The following RPTOR variants were observed in gnomAD, a reference collection of about 807,000 sequenced individuals.
RPTOR encodes regulatory-associated protein of mTOR.
RPTOR carries 21 observed loss-of-function variants against 169.9 expected under a neutral mutation model. That is an observed-to-expected ratio of 0.12 (90% CI 0.09 to 0.18). RPTOR has a LOEUF of 0.18. RPTOR is among the 10% of genes least tolerant of loss of function. The probability of loss-of-function intolerance (pLI) is 1.00; values close to 1 mark genes in which losing one functional copy is unlikely to be tolerated. For missense variants in RPTOR, 1,133 were observed against 1,855.9 expected, an observed-to-expected ratio of 0.61 and a Z score of 7.16; for synonymous variants, 732 against 753.2, an observed-to-expected ratio of 0.97 and a Z score of 0.46.
intron 9 of RPTOR, among the ~76,000 whole-genome samples, chr17:80,827,772 T>A (rs2067460585): frequency 6.6e-6 from 1 of 152,128 alleles, no homozygotes; most frequent in African/African-American, 2.4e-5. Context: ...CAGGTGGTCA[T>A]GTAAGAATAG....
At chr17:80,623,611 C>A (rs1268246911) in intron 1 of RPTOR, among the ~76,000 whole-genome samples, 1 of 152,060 alleles carries the variant, frequency 6.6e-6, no homozygotes, top group Non-Finnish European at 1.5e-5. Flanking sequence ...TCTCGGCTCA[C>A]TGCAAACTCT....
chr17:80,917,516 AC>A (rs1359697645), intron 21 of RPTOR, among the ~76,000 whole-genome samples: 1 of 151,840 alleles, frequency 6.6e-6, no homozygotes, highest in Non-Finnish European at 1.5e-5. Context: ...GTGTCTCCCT[AC>A]CCTCTGTTCT....
At chr17:80,759,653 T>C (rs2066714920) in intron 6 of RPTOR, among the ~76,000 whole-genome samples, 1 of 152,110 alleles carries the variant, frequency 6.6e-6, no homozygotes, top group African/African-American at 2.4e-5. Flanking sequence ...TGTAGTTTTG[T>C]GTGAGCTAAG....
chr17:80,888,973 C>G (rs1327853416), intron 17 of RPTOR, among the ~76,000 whole-genome samples: 1 of 152,184 alleles, frequency 6.6e-6, no homozygotes, highest in Non-Finnish European at 1.5e-5. Flanking sequence ...GCACAAGAGG[C>G]CAGGAGGGCA....
intron 5 of RPTOR, among the ~76,000 whole-genome samples, chr17:80,731,455 G>A (rs920646305): frequency 3.3e-5 from 5 of 151,876 alleles, no homozygotes; most frequent in African/African-American, 7.3e-5. Context: ...GAAAACAAAC[G>A]AAAACAGCTA....
At chr17:80,953,559 C>T (rs375134063) in intron 28 of RPTOR, among the ~76,000 whole-genome samples, 3 of 152,382 alleles carry the variant, frequency 2.0e-5, no homozygotes, top group Admixed American at 1.3e-4. Context: ...GCGCAGCCTC[C>T]GGATGGCCGT....
intron 5 of RPTOR, chr17:80,743,231 C>T (rs1318164763): frequency 5.1e-6 from 5 of 985,164 alleles, no homozygotes; most frequent in Non-Finnish European, 4.8e-6. Context: ...TGACTCAGTT[C>T]ATTAGAGAAG....
intron 6 of RPTOR, among the ~76,000 whole-genome samples, chr17:80,778,527 C>T (rs181529912): frequency 1.3e-5 from 2 of 152,176 alleles, no homozygotes; most frequent in African/African-American, 2.4e-5. Context: ...ACACCCCACA[C>T]GATTAAAGAA....
intron 6 of RPTOR, among the ~76,000 whole-genome samples, chr17:80,769,590 A>G (rs1347405496): frequency 1.3e-5 from 2 of 152,150 alleles, no homozygotes; most frequent in African/African-American, 4.8e-5. Flanking sequence ...CCCTCTCATC[A>G]GTGCTCTTCT....
At chr17:80,937,996 C>T (rs902069685) in intron 24 of RPTOR, among the ~76,000 whole-genome samples, 1 of 152,224 alleles carries the variant, frequency 6.6e-6, no homozygotes, top group African/African-American at 2.4e-5. Flanking sequence ...TCTTCCCAGC[C>T]CAGCAAGGGC....
At chr17:80,750,824 T>C (rs1236429912) in intron 5 of RPTOR, among the ~76,000 whole-genome samples, 1 of 152,172 alleles carries the variant, frequency 6.6e-6, no homozygotes. Context: ...TTCTTGGTGA[T>C]TGTTGCGTGG....
chr17:80,964,794 C>T lies in RPTOR; in HGVS notation c.*464C>T, dbSNP rs536244953. The T allele has an allele frequency of 1.3e-4, 31 of 240,368 alleles. No individual in the cohort carries two copies. In the South Asian group the frequency reaches 5.0e-3, roughly 38 times the overall value. 14.9% of individuals were successfully genotyped at this position (240,368 alleles called of 1,614,324 possible). The stretch of plus-strand genomic sequence containing the variant: ...CAAGAGCGAGCGAGAGGCGCTGCCC[C>T]AGCCAGGCCCACCACCTCTCACAGT... On this transcript the variant is annotated 3_prime_UTR_variant, in exon 34 of 34. Coordinates refer to ENST00000306801, the MANE Select transcript of RPTOR (RefSeq NM_020761.3).
rs374349993 is a variant in RPTOR, at chr17:80,716,271, A to G, written c.507+8272A>G. On this transcript the variant is annotated intron_variant, in intron 4 of 33. Transcript: ENST00000306801. ...TTATTATGGCCATTCTTGCAGAGGT[A>G]AGGTGGTATCTATTGCATTGTGGTT... 3.7e-4 allele frequency among the ~76,000 whole-genome samples: 57 copies of G among 152,248 alleles called. 1 individual carries two copies. The South Asian group carries it at 0.011, about 28-fold the overall frequency.
chr17:80,846,703 C>T (rs2067734948), intron 11 of RPTOR, 129 bp downstream of exon 11: 1 of 730,444 alleles, frequency 1.4e-6, no homozygotes, highest in East Asian at 2.7e-5. Context: ...CCCCTCTGCC[C>T]CGAAGATGAT....
intron 24 of RPTOR, among the ~76,000 whole-genome samples, chr17:80,925,854 C>T (rs1315949493): frequency 2.0e-5 from 3 of 152,228 alleles, no homozygotes; most frequent in East Asian, 1.9e-4. Context: ...CCAATCCTAG[C>T]GCATTTGGGG....
At chr17:80,583,184 T>TG (rs1568318343) in intron 1 of RPTOR, among the ~76,000 whole-genome samples, 1 of 118,118 alleles carries the variant, frequency 8.5e-6, no homozygotes, top group Non-Finnish European at 1.8e-5. Context: ...TCTTTCCTGT[T>TG]TTTTTTTTTT....
At chr17:80,548,721 C>A (rs1427009599) in intron 1 of RPTOR, among the ~76,000 whole-genome samples, 2 of 152,048 alleles carry the variant, frequency 1.3e-5, no homozygotes, top group Non-Finnish European at 2.9e-5. Context: ...ATCTCTGTTA[C>A]CCAGGCCTCC....
chr17:80,563,408 C>T (rs1267686998), intron 1 of RPTOR, among the ~76,000 whole-genome samples: 1 of 151,298 alleles, frequency 6.6e-6, no homozygotes, highest in Non-Finnish European at 1.5e-5. Flanking sequence ...TGGCGGCCGC[C>T]TGTAGTCCCA....
intron 3 of RPTOR, among the ~76,000 whole-genome samples, chr17:80,661,184 G>A (rs146168004): frequency 6.6e-6 from 1 of 152,312 alleles, no homozygotes; most frequent in Admixed American, 6.5e-5. Flanking sequence ...GGGTGTAAGC[G>A]TGGCTGACTT....
Sources: allele counts gnomAD v4.1 joint callset (sites outside exome capture counted in the v4.1 genomes callset), GRCh38; gene constraint gnomAD v4.1.1; transcripts MANE v1.5; gene names NCBI Gene and HGNC (gene_info 2026-07-23, HGNC 2026-07-21).